The following PCDHA11 variants were observed in gnomAD, a reference collection of about 807,000 sequenced individuals.
PCDHA11 encodes the protein protocadherin alpha-11.
PCDHA11 carries 61 observed loss-of-function variants against 70.3 expected under a neutral mutation model. The observed-to-expected ratio is 0.87, with a 90% CI of 0.71 to 1.07. PCDHA11 has a LOEUF of 1.07. Ranked by LOEUF, PCDHA11 falls within the 50% of genes least tolerant of loss-of-function variation. The pLI is 0.00. For synonymous variants in PCDHA11, 633 were observed against 555.1 expected (o/e 1.14, Z -1.97); for missense variants, 1,324 against 1,237.5 (o/e 1.07, Z -1.05).
At chr5:140,917,498 G>A (rs1303014069) in intron 1 of PCDHA11, among the ~76,000 whole-genome samples, 2 of 152,204 alleles carry the variant, frequency 1.3e-5, no homozygotes, top group African/African-American at 4.8e-5. Context: ...TGCCCAGAAT[G>A]ATATTTTCTA....
intron 1 of PCDHA11, among the ~76,000 whole-genome samples, chr5:140,975,683 G>A (rs1226769029): frequency 2.0e-5 from 3 of 151,934 alleles, no homozygotes; most frequent in Non-Finnish European, 2.9e-5. Context: ...AATAAAATAG[G>A]GTATTTTAAA....
rs190030565 is a variant in PCDHA11, at chr5:140,999,153, C to T, written c.2540-10474C>T. Among the ~76,000 whole-genome samples, 42 of 152,242 alleles carry T rather than the reference C, an allele frequency of 2.8e-4. 1 individual carries two copies. In the East Asian group the frequency reaches 5.2e-3, roughly 19 times the overall value. Reference sequence around the variant, plus strand: ...AATGTCACAGCCGGAAGTCTTCAGTCCCCTAGAAGGAAAAGAGCCTGATGG... The same window carrying T: ...AATGTCACAGCCGGAAGTCTTCAGTTCCCTAGAAGGAAAAGAGCCTGATGG... On this transcript the variant is annotated intron_variant, in intron 3 of 3. Coordinates refer to ENST00000398640, the MANE Select transcript of PCDHA11 (RefSeq NM_018902.5).
At chr5:140,945,000 G>T (rs980802301) in intron 1 of PCDHA11, among the ~76,000 whole-genome samples, 2 of 151,862 alleles carry the variant, frequency 1.3e-5, no homozygotes. Flanking sequence ...AACGGTTGTG[G>T]GTCATGAATT....
chr5:140,963,151 A>G (rs544176369), intron 1 of PCDHA11, among the ~76,000 whole-genome samples: 2 of 152,326 alleles, frequency 1.3e-5, no homozygotes, highest in South Asian at 4.1e-4. Context: ...ATGAATTTAA[A>G]AATGACACAT....
rs148688132 is a variant in PCDHA11, at chr5:140,902,203, CTT to C, written c.2391+30726_2391+30727del. Among the ~76,000 whole-genome samples the C allele has an allele frequency of 5.2e-3, 642 of 124,424 alleles. 3 individuals are homozygous for C. The highest frequency in any genetic ancestry group is 0.019 in the African/African-American group (601 of 32,314). 81.6% of individuals were successfully genotyped at this position (124,424 alleles called of 152,430 possible). The stretch of plus-strand genomic sequence containing the variant: ...TTATGTCTTCTCTCTCTCTCTCTTT[CTT>C]TTTTTTTTTTTTTTTTGAGATGAGG... On this transcript the variant is annotated intron_variant, in intron 1 of 3. Coordinates refer to ENST00000398640, the MANE Select transcript of PCDHA11 (RefSeq NM_018902.5).
intron 1 of PCDHA11, among the ~76,000 whole-genome samples, chr5:140,943,416 A>T (rs556948015): frequency 2.6e-5 from 4 of 152,286 alleles, no homozygotes; most frequent in African/African-American, 9.6e-5. Flanking sequence ...GACTAGAGGC[A>T]AGGGCTTTAA....
At chr5:140,960,148 T>C (rs782110022) in intron 1 of PCDHA11, among the ~76,000 whole-genome samples, 16 of 152,198 alleles carry the variant, frequency 1.1e-4, no homozygotes, top group Admixed American at 4.6e-4. Context: ...ATTAATAGCT[T>C]GAGACTGATA....
chr5:140,890,788 T>C (rs892426818), intron 1 of PCDHA11, among the ~76,000 whole-genome samples: 1 of 152,222 alleles, frequency 6.6e-6, no homozygotes, highest in Non-Finnish European at 1.5e-5. Flanking sequence ...AAGATATTAG[T>C]ATTATTTTAT....
chr5:140,949,457 T>C (rs1369576515), intron 1 of PCDHA11, among the ~76,000 whole-genome samples: 1 of 151,872 alleles, frequency 6.6e-6, no homozygotes, highest in Non-Finnish European at 1.5e-5. Flanking sequence ...TCATGTAATT[T>C]GAAGCCCTGT....
intron 3 of PCDHA11, among the ~76,000 whole-genome samples, chr5:141,000,226 G>A (rs2097897321): frequency 6.6e-6 from 1 of 151,546 alleles, no homozygotes; most frequent in Non-Finnish European, 1.5e-5. Context: ...TGCCTGTGTG[G>A]AGCTGAATGT....
intron 1 of PCDHA11, among the ~76,000 whole-genome samples, chr5:140,914,476 G>C (rs1054000684): frequency 6.6e-6 from 1 of 152,140 alleles, no homozygotes; most frequent in Non-Finnish European, 1.5e-5. Context: ...CTTCATAGGT[G>C]AAGTGTTTCT....
intron 1 of PCDHA11, chr5:140,875,557 G>C: frequency 5.6e-6 from 9 of 1,614,064 alleles, no homozygotes; most frequent in Non-Finnish European, 7.6e-6. Flanking sequence ...GGTGGGGAGC[G>C]GCCAGCTCCA....
At chr5:140,886,123 G>A (rs868933605) in intron 1 of PCDHA11, among the ~76,000 whole-genome samples, 53 of 152,236 alleles carry the variant, frequency 3.5e-4, no homozygotes, top group African/African-American at 1.2e-3. Flanking sequence ...ACATAGTTCC[G>A]TAACAACCAG....
At chr5:140,917,892 T>C (rs1382149175) in intron 1 of PCDHA11, among the ~76,000 whole-genome samples, 2 of 152,104 alleles carry the variant, frequency 1.3e-5, no homozygotes, top group African/African-American at 4.8e-5. Flanking sequence ...TTTTTCCATA[T>C]GAATGTTAGG....
chr5:140,999,217 A>G (rs2097851437), intron 3 of PCDHA11, among the ~76,000 whole-genome samples: 1 of 152,232 alleles, frequency 6.6e-6, no homozygotes, highest in Non-Finnish European at 1.5e-5. Context: ...TGGAAGTACT[A>G]CATTTGAGAA....
intron 1 of PCDHA11, among the ~76,000 whole-genome samples, chr5:140,965,010 C>T (rs1160052537): frequency 5.9e-5 from 9 of 152,154 alleles, no homozygotes; most frequent in Admixed American, 3.9e-4. Flanking sequence ...GTGTCAGGAT[C>T]ACAACCTTGG....
chr5:140,952,418 A>G (rs1563257684), intron 1 of PCDHA11, among the ~76,000 whole-genome samples: 1 of 152,090 alleles, frequency 6.6e-6, no homozygotes, highest in South Asian at 2.1e-4. Context: ...AATGTTCCGC[A>G]GATTCCTACA....
intron 1 of PCDHA11, among the ~76,000 whole-genome samples, chr5:140,886,698 C>A (rs578140955): frequency 2.0e-5 from 3 of 151,820 alleles, no homozygotes; most frequent in Non-Finnish European, 4.4e-5. Flanking sequence ...TGGTGGCACG[C>A]GCCTGTAATC....
intron 1 of PCDHA11, chr5:140,877,824 A>G (rs1554170141): frequency 1.9e-6 from 3 of 1,602,118 alleles, no homozygotes; most frequent in Non-Finnish European, 2.6e-6. Flanking sequence ...AAGATTGTTT[A>G]AATCCTCCCA....
Sources: gnomAD v4.1 joint callset for allele counts (sites outside exome capture counted in the v4.1 genomes callset) on GRCh38, gnomAD v4.1.1 for gene constraint, MANE v1.5 for transcripts, NCBI Gene and HGNC (gene_info 2026-07-23, HGNC 2026-07-21) for gene names.